BRPF1: variants seen among roughly 807,000 people sequenced by gnomAD.
The protein encoded by BRPF1 is bromodomain and PHD finger containing 1, also known as peregrin.
BRPF1 carries 15 observed loss-of-function variants against 115.0 expected under a neutral mutation model. That is an observed-to-expected ratio of 0.13 (90% CI 0.09 to 0.20). The LOEUF is 0.20. Among genes scored for constraint, BRPF1 ranks in the 10% least tolerant of loss-of-function variants. BRPF1 has a pLI of 1.00. For missense variants in BRPF1, 1,118 were observed against 1,638.3 expected, an observed-to-expected ratio of 0.68 and a Z score of 5.48; for synonymous variants, 647 against 619.8, an observed-to-expected ratio of 1.04 and a Z score of -0.65.
Position 9,746,375 on chromosome 3 carries a change from C to T in BRPF1, c.3400C>T (p.Leu1134=). The change falls in exon 13 of 14, where the codon CTG becomes TTG. Residue 1134 remains leucine, a synonymous_variant. Coordinates refer to ENST00000383829, the MANE Select transcript of BRPF1 (RefSeq NM_001003694.2). ...VPIPVPPLEV[L]KLGEQMTQEA... is the part of the protein sequence containing the mutation. ...CATCCCTGTGCCCCCACTGGAGGTG[C>T]TGAAACTTGGGGAGCAGATGACCCA... 1 of 1,609,852 alleles carries T rather than the reference C, an allele frequency of 6.2e-7. No individual in the cohort carries two copies. The highest frequency in any genetic ancestry group is 2.2e-5 in the East Asian group (1 of 44,660).
At position 9,734,803 on chromosome 3, in the gene BRPF1, A is replaced by G; in HGVS notation, c.599+64A>G. The G allele has an allele frequency of 6.4e-7, 1 of 1,566,358 alleles. No homozygotes were observed. The highest frequency in any genetic ancestry group is 8.7e-7 in the Non-Finnish European group (1 of 1,145,122). On this transcript the variant is annotated intron_variant, in intron 2 of 13. Transcript: ENST00000383829. This position sits in a 1 kb window ranked among gnomAD's most constrained non-coding sequence, Gnocchi z 5.7. ...CAAGCAGGGCTCACTAGCCAGAGAGAGGTGAGAGGCACAGATAGAAGAGTG... is the reference window on the plus strand; with the variant it reads ...CAAGCAGGGCTCACTAGCCAGAGAGGGGTGAGAGGCACAGATAGAAGAGTG...
In BRPF1 at chr3:9,743,592, C is replaced by T. The variant is rs752950821; in HGVS notation, c.2326C>T (p.Arg776Trp). 2.2e-5 allele frequency: 35 copies of T among 1,612,352 alleles called. No homozygotes were observed. The highest frequency in any genetic ancestry group is 2.7e-5 in the African/African-American group (2 of 74,910). ...CCTACCCCTAGCAGCCGAGGAAGAG[C>T]GGCTGGTCTTGCTGGAGAACCAGAA... ...HHTEDAAEEE[R>W]LVLLENQKHL... is the part of the protein sequence containing the mutation. Residue 776 changes from arginine (R) to tryptophan (W), a missense_variant, in exon 8 of 14, where the codon CGG becomes TGG. By Grantham distance (101) the Arg-to-Trp change is moderately radical. Coordinates refer to ENST00000383829, the MANE Select transcript of BRPF1 (RefSeq NM_001003694.2). The surrounding 1 kb of genome is among the most constrained non-coding windows in gnomAD (Gnocchi z 6.1).
intron 13 of BRPF1, among the ~76,000 whole-genome samples, chr3:9,746,694 A>C (rs1356530826): frequency 6.6e-6 from 1 of 151,690 alleles, no homozygotes; most frequent in Non-Finnish European, 1.5e-5. Context: ...GACTTATGAC[A>C]AATATAGAGG....
intron 6 of BRPF1, chr3:9,742,580 A>G: frequency 1.0e-6 from 1 of 980,376 alleles, no homozygotes; most frequent in Non-Finnish European, 1.2e-6. Context: ...CCTCCTTATA[A>G]GTTACTGTTA....
At chr3:9,732,507 C>T (rs1192270918) in intron 1 of BRPF1, 3 of 152,330 alleles carry the variant, frequency 2.0e-5, no homozygotes, top group African/African-American at 7.2e-5. Flanking sequence ...TCCTTGGGCC[C>T]TCCCCACGGG....
chr3:9,741,397 C>T lies in BRPF1; in HGVS notation c.1812C>T (p.Leu604=), dbSNP rs73021442. 23,848 of 1,607,110 alleles carry T rather than the reference C, an allele frequency of 0.015. 225 individuals carry two copies. The highest frequency in any genetic ancestry group is 0.018 in the Non-Finnish European group (20,969 of 1,175,234). ...LRHDLERARL[L]VELIRKREKL... is the part of the protein sequence containing the mutation. Reference sequence around the variant, plus strand: ...ATGACTTGGAGCGAGCTCGGCTGCTCGTGGAATTGATCCGCAAGCGGGAAA... The same window carrying T: ...ATGACTTGGAGCGAGCTCGGCTGCTTGTGGAATTGATCCGCAAGCGGGAAA... Residue 604 remains leucine, a synonymous_variant, in exon 5 of 14, where the codon CTC becomes CTT. Transcript: ENST00000383829.
intron 2 of BRPF1, among the ~76,000 whole-genome samples, chr3:9,737,633 G>A (rs2076964111): frequency 6.6e-6 from 1 of 152,222 alleles, no homozygotes; most frequent in African/African-American, 2.4e-5. Context: ...AGGGCCTGCT[G>A]TGTGCCACTT....
intron 9 of BRPF1, among the ~76,000 whole-genome samples, 174 bp from the exon 10 acceptor site, chr3:9,744,834 G>A (rs866287017): frequency 3.3e-5 from 5 of 152,210 alleles, no homozygotes; most frequent in African/African-American, 9.7e-5. Flanking sequence ...GGTGGAGCAG[G>A]GCTGTGGCCA....
chr3:9,739,602 C>T lies in BRPF1; in HGVS notation c.1203C>T (p.His401=). Residue 401 remains histidine (H), a synonymous_variant, in exon 3 of 14, where the codon CAC becomes CAT. Transcript: ENST00000383829. The part of the protein sequence containing the change: ...QRGSGACIQC[H]KANCYTAFHV... ...GCTCAGGGGCCTGCATCCAGTGCCA[C>T]AAGGCCAACTGTTACACAGCTTTCC... 3 of 1,610,712 alleles carry T rather than the reference C, an allele frequency of 1.9e-6. No homozygotes were observed. Among genetic ancestry groups the T allele is most frequent in the Non-Finnish European group, 2.5e-6 (3 of 1,177,138 alleles).
In BRPF1 at chr3:9,747,140, T is replaced by G; in HGVS notation, c.3480-26T>G. 6.2e-7 allele frequency: 1 copy of G among 1,612,562 alleles called. No homozygotes were observed. Among genetic ancestry groups the G allele is most frequent in the Non-Finnish European group, 8.5e-7 (1 of 1,178,856 alleles). On this transcript the variant is annotated intron_variant, in intron 13 of 13. Transcript: ENST00000383829. This position sits in a 1 kb window ranked among gnomAD's most constrained non-coding sequence, Gnocchi z 5.6. ...GGTCCTTGTTCTCCCTGAGATGATTTATTTGATCTTCACCTTATCCTATAG... is the reference window on the plus strand; with the variant it reads ...GGTCCTTGTTCTCCCTGAGATGATTGATTTGATCTTCACCTTATCCTATAG...
At chr3:9,746,094 GT>G (rs1478371755) in intron 12 of BRPF1, among the ~76,000 whole-genome samples, 164 bp downstream of exon 12, 1 of 152,178 alleles carries the variant, frequency 6.6e-6, no homozygotes, top group Non-Finnish European at 1.5e-5. Context: ...CTCCCACTCA[GT>G]TTCTCCATCT....
intron 2 of BRPF1, among the ~76,000 whole-genome samples, chr3:9,738,620 C>CT (rs1174403112): frequency 6.6e-6 from 1 of 152,228 alleles, no homozygotes; most frequent in East Asian, 1.9e-4. Context: ...CTGGACCACT[C>CT]TAAGGGGTAC....
chr3:9,745,882 G>C lies in BRPF1; in HGVS notation c.3276G>C (p.Leu1092=). The change falls in exon 12 of 14, where the codon CTG becomes CTC. Residue 1092 remains leucine (L), a synonymous_variant. Coordinates refer to ENST00000383829, the MANE Select transcript of BRPF1 (RefSeq NM_001003694.2). This position sits in a 1 kb window ranked among gnomAD's most constrained non-coding sequence, Gnocchi z 5.1. ...SEDEDSPLDA[L]DLVWAKCRGY... ...ATGAGGACTCCCCGCTGGATGCTCT[G>C]GACCTCGTGTGGGCCAAATGCCGAG... 6.2e-7 allele frequency: 1 copy of C among 1,614,164 alleles called. No homozygotes were observed. The highest frequency in any genetic ancestry group is 1.3e-5 in the African/African-American group (1 of 75,068).
At chr3:9,746,258 G>A in intron 12 of BRPF1, 42 bp from the exon 13 acceptor site, 1 of 1,500,942 alleles carries the variant, frequency 6.7e-7, no homozygotes, top group South Asian at 1.4e-5. Flanking sequence ...AGCCTTGGGA[G>A]GACATGGACT....
Position 9,747,034 on chromosome 3 carries a change from C to G in BRPF1, c.3480-132C>G, listed in dbSNP as rs1575170007. Reference sequence around the variant, plus strand: ...TTTCATCTCTAGACCATGAACAGTCCTTTGAGGGCAGGGACCATCACAGAG... The same window carrying G: ...TTTCATCTCTAGACCATGAACAGTCGTTTGAGGGCAGGGACCATCACAGAG... On this transcript the variant is annotated intron_variant, in intron 13 of 13. Transcript: ENST00000383829. The surrounding 1 kb of genome is among the most constrained non-coding windows in gnomAD (Gnocchi z 5.6). 1.4e-5 allele frequency: 14 copies of G among 995,768 alleles called. No homozygotes were observed. In the East Asian group the frequency reaches 3.3e-4, roughly 24 times the overall value. 61.7% of individuals were successfully genotyped at this position (995,768 alleles called of 1,614,324 possible).
intron 2 of BRPF1, among the ~76,000 whole-genome samples, chr3:9,735,152 C>T (rs574529561): frequency 1.3e-5 from 2 of 151,852 alleles, no homozygotes; most frequent in Non-Finnish European, 2.9e-5. Flanking sequence ...GCTGCAACTA[C>T]AGGCACATGC....
At chr3:9,738,890 C>T (rs1486600001) in intron 2 of BRPF1, 109 bp from the exon 3 acceptor site, 3 of 975,212 alleles carry the variant, frequency 3.1e-6, no homozygotes, top group Non-Finnish European at 4.5e-6. Context: ...TGAGACAACA[C>T]ATCTGAAGGG....
intron 1 of BRPF1, chr3:9,732,364 C>T (rs934464721): frequency 6.6e-6 from 1 of 152,252 alleles, no homozygotes; most frequent in Non-Finnish European, 1.5e-5. Context: ...TGTTACACTT[C>T]CACAAAGGGG....
In BRPF1 at chr3:9,745,000, C is replaced by T; in HGVS notation, c.2921-8C>T. The T allele has an allele frequency of 6.2e-7, 1 of 1,614,098 alleles. No individual in the cohort carries two copies. The highest frequency in any genetic ancestry group is 2.2e-5 in the East Asian group (1 of 44,882). ...GTTCCTTCCCTCCTCCCCTTCCCTT[C>T]AACCAAGACTTACCAGCCAATGGCT... On this transcript the variant is annotated splice_region_variant and splice_polypyrimidine_tract_variant and intron_variant, in intron 9 of 13. Transcript: ENST00000383829.
Sources: allele counts gnomAD v4.1 joint callset (sites outside exome capture counted in the v4.1 genomes callset), GRCh38; gene constraint gnomAD v4.1.1; non-coding constraint Gnocchi (gnomAD v3.1); transcripts MANE v1.5; gene names NCBI Gene and HGNC (gene_info 2026-07-23, HGNC 2026-07-21).